The following NME7 variants were observed in gnomAD, a reference collection of about 807,000 sequenced individuals.
NME7 encodes nucleoside diphosphate kinase 7.
Under a neutral mutation model 49.1 loss-of-function variants are expected in NME7, and 41 were observed. The observed-to-expected ratio is 0.83, with a 90% CI of 0.65 to 1.08. The LOEUF (loss-of-function observed/expected upper bound fraction) is 1.08, where lower values mean the gene tolerates loss of function less well. NME7 is among the 50% of genes least tolerant of loss of function. The probability of loss-of-function intolerance (pLI) is 0.00; values close to 1 mark genes in which losing one functional copy is unlikely to be tolerated. For synonymous variants in NME7, 139 were observed against 150.6 expected (o/e 0.92, Z 0.56); for missense variants, 423 against 463.4 (o/e 0.91, Z 0.80).
At chr1:169,324,621 G>C in intron 1 of NME7, 121 bp from the exon 2 acceptor site, 1 of 611,582 alleles carries the variant, frequency 1.6e-6, no homozygotes, top group Non-Finnish European at 2.9e-6. Context: ...CTATTATATT[G>C]AATGTTTCTG....
chr1:169,277,744 T>G (rs1649800344), intron 7 of NME7, among the ~76,000 whole-genome samples: 1 of 104,780 alleles, frequency 9.5e-6, no homozygotes, highest in African/African-American at 3.2e-5. Flanking sequence ...GTTAGCTGGT[T>G]ATTTTGCTCG....
chr1:169,295,762 C>T (rs145598431), intron 6 of NME7, among the ~76,000 whole-genome samples: 1 of 152,262 alleles, frequency 6.6e-6, no homozygotes, highest in African/African-American at 2.4e-5. Context: ...AGCAATCACA[C>T]ACCACATTTC....
chr1:169,212,599 CT>C (rs71121740), intron 10 of NME7, among the ~76,000 whole-genome samples: 205 of 116,426 alleles, frequency 1.8e-3, no homozygotes, highest in Admixed American at 3.0e-3. Flanking sequence ...AACAAATGTC[CT>C]TTTTTTTTTT....
Position 169,132,755 on chromosome 1 carries a change from C to T in NME7, c.*30G>A. On this transcript the variant is annotated 3_prime_UTR_variant, in exon 12 of 12. Coordinates refer to ENST00000367811, the MANE Select transcript of NME7 (RefSeq NM_013330.5). ...GTGATTCACTCTTGTCTAAATGTCCCAACCTGTGACTTCTTTACTTTCCAC... is the reference window on the plus strand; with the variant it reads ...GTGATTCACTCTTGTCTAAATGTCCTAACCTGTGACTTCTTTACTTTCCAC... 6.2e-7 allele frequency: 1 copy of T among 1,606,392 alleles called. No homozygotes were observed. Among genetic ancestry groups the T allele is most frequent in the African/African-American group, 1.3e-5 (1 of 74,746 alleles).
intron 10 of NME7, among the ~76,000 whole-genome samples, chr1:169,211,619 C>T (rs10919095): frequency 0.47 from 70,946 of 151,702 alleles, 17,481 homozygotes; most frequent in East Asian, 0.81. Context: ...GATAGGATCA[C>T]GAACATGTAA....
intron 10 of NME7, among the ~76,000 whole-genome samples, chr1:169,207,855 A>G (rs1030335282): frequency 6.6e-6 from 1 of 152,140 alleles, no homozygotes; most frequent in Non-Finnish European, 1.5e-5. Flanking sequence ...AATGAAGGCT[A>G]GATTTATGGA....
At chr1:169,264,932 G>A (rs899503908) in intron 7 of NME7, among the ~76,000 whole-genome samples, 6 of 133,710 alleles carry the variant, frequency 4.5e-5, no homozygotes, top group African/African-American at 1.5e-4. Flanking sequence ...GAGGCCTCAG[G>A]AAACTTACAA....
chr1:169,286,489 TAAATA>T (rs1472533105), intron 7 of NME7: 2 of 151,894 alleles, frequency 1.3e-5, no homozygotes, highest in Non-Finnish European at 2.9e-5. Flanking sequence ...CAGACTAAAA[TAAATA>T]AAATAAAGAA....
At chr1:169,138,610 T>C (rs1658500402) in intron 11 of NME7, among the ~76,000 whole-genome samples, 1 of 152,060 alleles carries the variant, frequency 6.6e-6, no homozygotes, top group African/African-American at 2.4e-5. Flanking sequence ...TCCCAGCCGC[T>C]TGGGAGGCTG....
At chr1:169,239,022 T>G (rs993579255) in intron 7 of NME7, among the ~76,000 whole-genome samples, 1 of 152,030 alleles carries the variant, frequency 6.6e-6, no homozygotes, top group Non-Finnish European at 1.5e-5. Flanking sequence ...TTAAAATAAT[T>G]TATGTCAACA....
At chr1:169,161,366 G>A (rs1659236680) in intron 11 of NME7, among the ~76,000 whole-genome samples, 1 of 152,182 alleles carries the variant, frequency 6.6e-6, no homozygotes, top group South Asian at 2.1e-4. Context: ...TAAAACTAAA[G>A]ATAAATTATG....
chr1:169,359,240 A>G (rs930093674), intron 1 of NME7, among the ~76,000 whole-genome samples: 2 of 152,128 alleles, frequency 1.3e-5, no homozygotes, highest in Non-Finnish European at 2.9e-5. Flanking sequence ...TACTTGTTAT[A>G]GTGCTTTGTT....
At chr1:169,360,445 A>C (rs1653614354) in intron 1 of NME7, among the ~76,000 whole-genome samples, 1 of 152,226 alleles carries the variant, frequency 6.6e-6, no homozygotes, top group South Asian at 2.1e-4. Flanking sequence ...AATAGGTAAA[A>C]TATATAAGAT....
rs537201641 is a variant in NME7 at position 169,166,441 on chromosome 1, A to G, written c.1098+3006T>C. Among the ~76,000 whole-genome samples, 9 of 152,322 alleles carry G rather than the reference A, an allele frequency of 5.9e-5. No individual in the cohort carries two copies. The South Asian group carries it at 8.3e-4, about 14-fold the overall frequency. On this transcript the variant is annotated intron_variant, in intron 11 of 11. Transcript: ENST00000367811. ...AATGGAGCTAACAAAGTCATTTTCT[A>G]TAACAACAACAAAGAAACTTATGGT...
chr1:169,206,186 C>A (rs557802184), intron 10 of NME7, among the ~76,000 whole-genome samples: 1 of 152,114 alleles, frequency 6.6e-6, no homozygotes, highest in Non-Finnish European at 1.5e-5. Context: ...TGTTTCCCCC[C>A]AACTAGAACG....
At chr1:169,233,874 T>C (rs1025924541) in intron 9 of NME7, among the ~76,000 whole-genome samples, 1 of 152,162 alleles carries the variant, frequency 6.6e-6, no homozygotes, top group Admixed American at 6.5e-5. Context: ...TTTTGTCTGC[T>C]CTTCTCCCTC....
intron 10 of NME7, among the ~76,000 whole-genome samples, chr1:169,193,486 G>A (rs1660291695): frequency 6.6e-6 from 1 of 152,164 alleles, no homozygotes; most frequent in Non-Finnish European, 1.5e-5. Flanking sequence ...GCTCTTTCAT[G>A]TCCAAAAGCG....
chr1:169,190,835 C>T (rs1382666309), intron 10 of NME7: 2 of 83,480 alleles, frequency 2.4e-5, no homozygotes, highest in African/African-American at 1.7e-4. Context: ...TTTTTTGAGA[C>T]GGAGTCTCGC....
intron 10 of NME7, among the ~76,000 whole-genome samples, chr1:169,218,787 T>C (rs1346755830): frequency 9.9e-5 from 15 of 151,502 alleles, no homozygotes; most frequent in African/African-American, 3.6e-4. Flanking sequence ...CCATTCCCAT[T>C]AGAAGTAATC....
Sources: gnomAD v4.1 joint callset for allele counts (sites outside exome capture counted in the v4.1 genomes callset) on GRCh38, gnomAD v4.1.1 for gene constraint, MANE v1.5 for transcripts, NCBI Gene and HGNC (gene_info 2026-07-23, HGNC 2026-07-21) for gene names.